The following QDPR variants were observed in gnomAD, a reference collection of about 807,000 sequenced individuals.
QDPR encodes the protein dihydropteridine reductase.
In QDPR, 23 loss-of-function variants were observed where a neutral mutation model predicts 31.7. That is an observed-to-expected ratio of 0.73 (90% CI 0.52 to 1.03). The LOEUF is 1.03. Ranked by LOEUF, QDPR falls within the 50% of genes least tolerant of loss-of-function variation. QDPR has a pLI of 0.00. For synonymous variants in QDPR, 124 were observed against 124.7 expected (o/e 0.99, Z 0.03); for missense variants, 324 against 323.8 (o/e 1.00, Z 0.00).
chr4:17,509,158 G>A (rs377050031), intron 2 of QDPR, 113 bp downstream of exon 2: 44 of 870,256 alleles, frequency 5.1e-5, no homozygotes, highest in African/African-American at 3.8e-4. Context: ...ACTCCGTCTC[G>A]GGGAAAAAAA....
rs41268393 is a variant in QDPR, at chr4:17,510,131, G to C, written c.106-768C>G. On this transcript the variant is annotated intron_variant, in intron 1 of 6. Coordinates refer to ENST00000281243, the MANE Select transcript of QDPR (RefSeq NM_000320.3). Reference sequence around the variant, plus strand: ...ATTTTCTTTTCAACCACCTGAAAATGTAAAACTATTCTTAACTCTTGGGCT... The same window carrying C: ...ATTTTCTTTTCAACCACCTGAAAATCTAAAACTATTCTTAACTCTTGGGCT... Among the ~76,000 whole-genome samples the C allele has an allele frequency of 5.8e-3, 886 of 152,264 alleles. 7 individuals carry two copies. Among genetic ancestry groups the C allele is most frequent in the Non-Finnish European group, 9.6e-3 (650 of 68,018 alleles).
At chr4:17,510,525 G>A (rs977595895) in intron 1 of QDPR, among the ~76,000 whole-genome samples, 3 of 152,068 alleles carry the variant, frequency 2.0e-5, no homozygotes, top group South Asian at 4.1e-4. Flanking sequence ...GTTATCCCAT[G>A]GGGGATACTG....
intron 4 of QDPR, among the ~76,000 whole-genome samples, chr4:17,497,277 A>C (rs532982276): frequency 6.6e-6 from 1 of 152,268 alleles, no homozygotes; most frequent in South Asian, 2.1e-4. Flanking sequence ...CCAATTTAAA[A>C]ACTGATTAAA....
chr4:17,497,368 T>G (rs1000434867), intron 4 of QDPR, among the ~76,000 whole-genome samples: 2 of 152,134 alleles, frequency 1.3e-5, no homozygotes, highest in African/African-American at 4.8e-5. Flanking sequence ...TCCAAGACCC[T>G]GTTTGAATCA....
At chr4:17,492,169 C>T (rs1718187750) in intron 5 of QDPR, 63 bp downstream of exon 5, 2 of 1,438,134 alleles carry the variant, frequency 1.4e-6, no homozygotes, top group Admixed American at 3.4e-5. Context: ...TACAGTCAGA[C>T]AAACGGTCAC....
chr4:17,507,200 T>A (rs1406979109), intron 2 of QDPR, among the ~76,000 whole-genome samples: 1 of 152,130 alleles, frequency 6.6e-6, no homozygotes, highest in Non-Finnish European at 1.5e-5. Flanking sequence ...TTATTAAAGT[T>A]CGTATCTGGA....
At chr4:17,509,543 T>G (rs767075318) in intron 1 of QDPR, among the ~76,000 whole-genome samples, 180 bp from the exon 2 acceptor site, 3 of 151,924 alleles carry the variant, frequency 2.0e-5, no homozygotes, top group Admixed American at 1.3e-4. Flanking sequence ...CTGGGCAACA[T>G]AGCAAGACCC....
intron 6 of QDPR, among the ~76,000 whole-genome samples, chr4:17,487,692 A>T (rs1718016785): frequency 6.6e-6 from 1 of 151,936 alleles, no homozygotes. Context: ...GTCAGGCATT[A>T]TGGCTCACCC....
chr4:17,506,767 G>T (rs1718801419), intron 2 of QDPR, among the ~76,000 whole-genome samples: 1 of 152,170 alleles, frequency 6.6e-6, no homozygotes, highest in African/African-American at 2.4e-5. Flanking sequence ...GTATGACTTA[G>T]GTATGGGAAC....
At chr4:17,500,784 A>G (rs2518616) in intron 4 of QDPR, among the ~76,000 whole-genome samples, 49,177 of 152,108 alleles carry the variant, frequency 0.32, 8,463 homozygotes, top group Middle Eastern at 0.39. Flanking sequence ...AAAAATACAC[A>G]GTTGGTAGAT....
intron 6 of QDPR, 89 bp from the exon 7 acceptor site, chr4:17,487,325 G>A: frequency 2.0e-6 from 2 of 975,662 alleles, no homozygotes; most frequent in South Asian, 2.7e-5. Context: ...TGTGGGGTGG[G>A]GGGAAGGGGT....
intron 4 of QDPR, among the ~76,000 whole-genome samples, chr4:17,495,946 G>C (rs1392757734): frequency 6.6e-6 from 1 of 152,074 alleles, no homozygotes. Flanking sequence ...GGGAGGTCGA[G>C]GCTGCAGTGA....
chr4:17,499,222 C>T (rs981455228), intron 4 of QDPR, among the ~76,000 whole-genome samples: 4 of 152,288 alleles, frequency 2.6e-5, no homozygotes, highest in Non-Finnish European at 2.9e-5. Flanking sequence ...ACTTGCCGAA[C>T]GTGTCACAGT....
chr4:17,501,759 C>G lies in QDPR; in HGVS notation c.396G>C (p.Leu132=). The G allele has an allele frequency of 6.2e-7, 1 of 1,613,906 alleles. No individual in the cohort carries two copies. Among genetic ancestry groups the G allele is most frequent in the East Asian group, 2.2e-5 (1 of 44,878 alleles). Residue 132 remains leucine, a synonymous_variant, in exon 4 of 7, where the codon CTG becomes CTC. Coordinates refer to ENST00000281243, the MANE Select transcript of QDPR (RefSeq NM_000320.3). The part of the protein sequence containing the change: ...ATKHLKEGGL[L]TLAGAKAALD... ...GGGCAGCCTTTGCGCCAGCCAAGGTCAGGAGGCCTCCTTCCTTGAGATGCT... is the reference window on the plus strand; with the variant it reads ...GGGCAGCCTTTGCGCCAGCCAAGGTGAGGAGGCCTCCTTCCTTGAGATGCT...
chr4:17,512,081 A>C lies in QDPR; in HGVS notation c.-27T>G, dbSNP rs1265217740. On this transcript the variant is annotated 5_prime_UTR_variant, in exon 1 of 7. Transcript: ENST00000281243. ...CTGCTCCTGCCAGCCCGGCTCCCGC[A>C]GCTCCGAATGCCTCGAGCCGGAGCG... 2 of 1,539,446 alleles carry C rather than the reference A, an allele frequency of 1.3e-6. No individual in the cohort carries two copies. Among genetic ancestry groups the C allele is most frequent in the Non-Finnish European group, 1.7e-6 (2 of 1,145,920 alleles).
chr4:17,487,689 A>C (rs180819680), intron 6 of QDPR, among the ~76,000 whole-genome samples: 88 of 147,150 alleles, frequency 6.0e-4, no homozygotes, highest in African/African-American at 2.0e-3. Context: ...AAGGTCAGGC[A>C]TTATGGCTCA....
chr4:17,503,522 C>G (rs1490064240), intron 3 of QDPR, among the ~76,000 whole-genome samples: 1 of 151,592 alleles, frequency 6.6e-6, no homozygotes, highest in Non-Finnish European at 1.5e-5. Context: ...ACAAAGTACA[C>G]AGGCACAAGA....
chr4:17,505,513 C>G (rs909486550), intron 2 of QDPR, among the ~76,000 whole-genome samples: 5 of 152,190 alleles, frequency 3.3e-5, no homozygotes, highest in Non-Finnish European at 7.3e-5. Flanking sequence ...TCTCAGAGTG[C>G]TGGGACAACA....
intron 4 of QDPR, among the ~76,000 whole-genome samples, chr4:17,497,974 C>T (rs1412856065): frequency 1.3e-5 from 2 of 152,200 alleles, no homozygotes; most frequent in East Asian, 3.8e-4. Flanking sequence ...TTTCCCTCTG[C>T]CCCGCAGGCA....
Sources: allele counts gnomAD v4.1 joint callset (sites outside exome capture counted in the v4.1 genomes callset), GRCh38; gene constraint gnomAD v4.1.1; transcripts MANE v1.5; gene names NCBI Gene and HGNC (gene_info 2026-07-23, HGNC 2026-07-21).